Variants in TTLL5 observed in about 807,000 individuals in gnomAD.
TTLL5 encodes the protein tubulin polyglutamylase TTLL5.
In TTLL5, 132 loss-of-function variants were observed where a neutral mutation model predicts 168.4. That is an observed-to-expected ratio of 0.78 (90% CI 0.68 to 0.91). TTLL5 has a LOEUF of 0.91. Among genes scored for constraint, TTLL5 ranks in the 40% least tolerant of loss-of-function variants. TTLL5 has a pLI of 0.00. For synonymous variants in TTLL5, 546 were observed against 558.6 expected (o/e 0.98, Z 0.32); for missense variants, 1,545 against 1,581.5 (o/e 0.98, Z 0.39).
intron 28 of TTLL5, among the ~76,000 whole-genome samples, chr14:75,861,475 A>G (rs1480030284): frequency 6.6e-6 from 1 of 152,164 alleles, no homozygotes; most frequent in African/African-American, 2.4e-5. Flanking sequence ...AAATAACCCT[A>G]TGTGGCTTTT....
chr14:75,691,247 T>G (rs1885443660), intron 6 of TTLL5, among the ~76,000 whole-genome samples: 1 of 152,174 alleles, frequency 6.6e-6, no homozygotes, highest in South Asian at 2.1e-4. Context: ...CTTATTTATT[T>G]TGCATCATTG....
At chr14:75,708,915 A>G (rs558965848) in intron 9 of TTLL5, among the ~76,000 whole-genome samples, 3 of 152,298 alleles carry the variant, frequency 2.0e-5, no homozygotes, top group Admixed American at 2.0e-4. Flanking sequence ...CCACATTGGA[A>G]GAAGAATTGT....
At chr14:75,947,134 G>T (rs921676942) in intron 31 of TTLL5, among the ~76,000 whole-genome samples, 8 of 152,204 alleles carry the variant, frequency 5.3e-5, no homozygotes, top group Non-Finnish European at 1.0e-4. Context: ...GATGGCTGTG[G>T]CTGCTATATC....
intron 3 of TTLL5, among the ~76,000 whole-genome samples, chr14:75,677,837 G>T (rs1594854368): frequency 6.7e-6 from 1 of 148,860 alleles, no homozygotes; most frequent in South Asian, 2.1e-4. Flanking sequence ...TCGCTATGTT[G>T]CCCTGGCCGA....
At chr14:75,791,619 A>G (rs1413314984) in intron 26 of TTLL5, among the ~76,000 whole-genome samples, 1 of 152,138 alleles carries the variant, frequency 6.6e-6, no homozygotes, top group Admixed American at 6.5e-5. Flanking sequence ...GTTAGTACAT[A>G]TTGTTGATAA....
intron 20 of TTLL5, among the ~76,000 whole-genome samples, chr14:75,768,919 A>G (rs904162349): frequency 6.6e-6 from 1 of 152,162 alleles, no homozygotes; most frequent in African/African-American, 2.4e-5. Context: ...AGTGCTACCA[A>G]CTGGCCGTGT....
chr14:75,954,384 G>A, intron 31 of TTLL5, 40 bp from the exon 32 acceptor site: 1 of 1,611,034 alleles, frequency 6.2e-7, no homozygotes, highest in Non-Finnish European at 8.5e-7. Context: ...ACCCCATGCT[G>A]TCATTTCATT....
intron 12 of TTLL5, among the ~76,000 whole-genome samples, chr14:75,731,627 GCTCCTACC>G (rs1888552000): frequency 2.0e-5 from 3 of 152,154 alleles, no homozygotes; most frequent in Admixed American, 2.0e-4. Flanking sequence ...TTGATCTCTG[GCTCCTACC>G]CTTCTTAAAT....
chr14:75,850,078 T>C (rs1896762796), intron 28 of TTLL5, among the ~76,000 whole-genome samples: 1 of 151,416 alleles, frequency 6.6e-6, no homozygotes, highest in South Asian at 2.1e-4. Flanking sequence ...TACACTCTAG[T>C]CTGAGTGACA....
At chr14:75,884,576 A>T (rs1186147089) in intron 30 of TTLL5, among the ~76,000 whole-genome samples, 1 of 152,222 alleles carries the variant, frequency 6.6e-6, no homozygotes, top group Non-Finnish European at 1.5e-5. Flanking sequence ...GAAGGGGGGA[A>T]AAAGCGGAGA....
intron 31 of TTLL5, among the ~76,000 whole-genome samples, chr14:75,923,109 T>G (rs190838497): frequency 1.2e-4 from 18 of 152,310 alleles, no homozygotes; most frequent in Non-Finnish European, 2.5e-4. Context: ...TTATTCTTTA[T>G]TAGTCTTGCT....
chr14:75,833,380 A>G (rs1278498340), intron 28 of TTLL5, among the ~76,000 whole-genome samples: 1 of 152,326 alleles, frequency 6.6e-6, no homozygotes, highest in East Asian at 1.9e-4. Context: ...ACATTTTGGG[A>G]CTATCATATG....
At chr14:75,738,071 T>G (rs193000157) in intron 15 of TTLL5, among the ~76,000 whole-genome samples, 14 of 152,356 alleles carry the variant, frequency 9.2e-5, no homozygotes, top group Non-Finnish European at 1.8e-4. Flanking sequence ...TATGTAGTGA[T>G]CTGCAGTTTA....
chr14:75,840,480 A>G lies in TTLL5; in HGVS notation c.3326+20319A>G, dbSNP rs994733941. On this transcript the variant is annotated intron_variant, in intron 28 of 31. Transcript: ENST00000298832. ...TCACCTCCCACTTAGGAGTGAGAAC[A>G]TGCGGTGTTTGGCTTTCTGTTCCTC... 2.6e-5 allele frequency among the ~76,000 whole-genome samples: 4 copies of G among 151,258 alleles called. No individual in the cohort carries two copies. The South Asian group carries it at 6.3e-4, about 24-fold the overall frequency.
intron 28 of TTLL5, among the ~76,000 whole-genome samples, chr14:75,824,994 A>G (rs922764709): frequency 2.0e-5 from 3 of 152,200 alleles, no homozygotes; most frequent in Non-Finnish European, 4.4e-5. Context: ...AGACAGACCT[A>G]GGTTTGCCTT....
intron 3 of TTLL5, among the ~76,000 whole-genome samples, chr14:75,680,837 G>T (rs1354342046): frequency 6.6e-6 from 1 of 151,928 alleles, no homozygotes. Context: ...ATGTTGGCCA[G>T]GCTGGTCTCG....
In TTLL5 at chr14:75,762,910, C is replaced by T. The variant is rs141139920; in HGVS notation, c.1551-1705C>T. On this transcript the variant is annotated intron_variant, in intron 18 of 31. Transcript: ENST00000298832. ...TATATAATGAACAGTGGTTCGTGAA[C>T]GTAAACACTGGGCTTTAACTTATTA... Among the ~76,000 whole-genome samples, 514 of 152,168 alleles carry T rather than the reference C, an allele frequency of 3.4e-3. 4 individuals carry two copies. Among genetic ancestry groups the T allele is most frequent in the South Asian group, 0.016 (75 of 4,822 alleles).
At chr14:75,737,604 G>C in intron 15 of TTLL5, 1 of 1,535,678 alleles carries the variant, frequency 6.5e-7, no homozygotes, top group African/African-American at 1.4e-5. Flanking sequence ...CAAAGGCCAA[G>C]CAGGTAAGTT....
In TTLL5 at chr14:75,800,728, T is replaced by G. The variant is rs144525835; in HGVS notation, c.3171+7628T>G. On this transcript the variant is annotated intron_variant, in intron 27 of 31. Coordinates refer to ENST00000298832, the MANE Select transcript of TTLL5 (RefSeq NM_015072.5). ...TTCCTGAGAGCCAAACTGCAGTGAT[T>G]GTTACTGCCCTTCTGGGTCTAGCCC... is the stretch of plus-strand genomic sequence containing the variant. Among the ~76,000 whole-genome samples, 995 of 152,224 alleles carry G rather than the reference T, an allele frequency of 6.5e-3. 12 individuals carry two copies. Among genetic ancestry groups the G allele is most frequent in the African/African-American group, 0.023 (955 of 41,528 alleles).
Sources: gnomAD v4.1 joint callset for allele counts (sites outside exome capture counted in the v4.1 genomes callset) on GRCh38, gnomAD v4.1.1 for gene constraint, MANE v1.5 for transcripts, NCBI Gene and HGNC (gene_info 2026-07-23, HGNC 2026-07-21) for gene names.